The following TMEM178B variants were observed in gnomAD, a reference collection of about 807,000 sequenced individuals.
The protein encoded by TMEM178B is transmembrane protein 178B.
TMEM178B carries 5 observed loss-of-function variants against 31.0 expected under a neutral mutation model. That is an observed-to-expected ratio of 0.16 (90% confidence interval 0.08 to 0.34). The LOEUF (loss-of-function observed/expected upper bound fraction) is 0.34, where lower values mean the gene tolerates loss of function less well. TMEM178B is among the 10% of genes least tolerant of loss of function. The probability of loss-of-function intolerance (pLI) is 1.00; values close to 1 mark genes in which losing one functional copy is unlikely to be tolerated. For missense variants in TMEM178B, 275 were observed against 400.3 expected, an observed-to-expected ratio of 0.69 and a Z score of 2.67; for synonymous variants, 164 against 164.0, an observed-to-expected ratio of 1.00 and a Z score of 0.00.
chr7:141,321,466 G>A (rs879284091), intron 2 of TMEM178B, among the ~76,000 whole-genome samples: 23 of 152,164 alleles, frequency 1.5e-4, no homozygotes, highest in Admixed American at 3.9e-4. Flanking sequence ...GACTTCTCAA[G>A]GAAGCCACAG....
At chr7:141,207,469 G>A (rs1337961153) in intron 1 of TMEM178B, among the ~76,000 whole-genome samples, 1 of 152,094 alleles carries the variant, frequency 6.6e-6, no homozygotes, top group African/African-American at 2.4e-5. Context: ...TATTTATTTT[G>A]ATAATAGCCA....
At chr7:141,413,650 A>G (rs1183409357) in intron 2 of TMEM178B, among the ~76,000 whole-genome samples, 1 of 152,166 alleles carries the variant, frequency 6.6e-6, no homozygotes, top group Non-Finnish European at 1.5e-5. Flanking sequence ...ATGATGAGAA[A>G]ACTTTCTTTG....
intron 2 of TMEM178B, among the ~76,000 whole-genome samples, chr7:141,340,664 AT>A (rs1799501389): frequency 6.6e-6 from 1 of 152,266 alleles, no homozygotes; most frequent in South Asian, 2.1e-4. Context: ...CACAAAGCAC[AT>A]CAGGAGCAGT....
At position 141,394,240 on chromosome 7, in the gene TMEM178B, C is replaced by T. The variant is rs983166660; in HGVS notation, c.497-43368C>T. ...TGCGTCACCTCCGTGACAGCTTCTTCACCCCCGCCTGTTGCTGGTCTTGGT... is the reference window on the plus strand; with the variant it reads ...TGCGTCACCTCCGTGACAGCTTCTTTACCCCCGCCTGTTGCTGGTCTTGGT... On this transcript the variant is annotated intron_variant, in intron 2 of 3. Coordinates refer to ENST00000565468, the MANE Select transcript of TMEM178B (RefSeq NM_001195278.2). 2.6e-5 allele frequency among the ~76,000 whole-genome samples: 4 copies of T among 152,370 alleles called. No homozygotes were observed. The South Asian group carries it at 8.3e-4, about 32-fold the overall frequency.
At chr7:141,413,271 CT>C (rs1379482253) in intron 2 of TMEM178B, among the ~76,000 whole-genome samples, 4 of 152,196 alleles carry the variant, frequency 2.6e-5, no homozygotes, top group East Asian at 1.9e-4. Context: ...CAAATCACAA[CT>C]TTTTTTTCTT....
At chr7:141,363,164 C>G (rs747356123) in intron 2 of TMEM178B, among the ~76,000 whole-genome samples, 1 of 152,128 alleles carries the variant, frequency 6.6e-6, no homozygotes, top group Non-Finnish European at 1.5e-5. Context: ...AAAGAGCGAG[C>G]GAGTGTTAAT....
chr7:141,264,073 C>G (rs547001244), intron 2 of TMEM178B, among the ~76,000 whole-genome samples: 1 of 152,280 alleles, frequency 6.6e-6, no homozygotes, highest in Non-Finnish European at 1.5e-5. Context: ...GGGAACACAC[C>G]TGAGCCTAGG....
At chr7:141,136,916 G>A (rs947902751) in intron 1 of TMEM178B, among the ~76,000 whole-genome samples, 2 of 152,104 alleles carry the variant, frequency 1.3e-5, no homozygotes, top group African/African-American at 4.8e-5. Flanking sequence ...CTCAAAAGAA[G>A]ACATGTAAAT....
At chr7:141,116,748 C>G (rs1346802726) in intron 1 of TMEM178B, among the ~76,000 whole-genome samples, 1 of 152,028 alleles carries the variant, frequency 6.6e-6, no homozygotes, top group Non-Finnish European at 1.5e-5. Context: ...CTCCTACTTA[C>G]GAGTGAGAGC....
chr7:141,397,315 TC>T (rs113302004), intron 2 of TMEM178B, among the ~76,000 whole-genome samples: 11,272 of 152,194 alleles, frequency 0.074, 514 homozygotes, highest in Admixed American at 0.1. Flanking sequence ...TTTTTGGACT[TC>T]CTTTAACATG....
chr7:141,086,041 T>C (rs1292377872), intron 1 of TMEM178B, among the ~76,000 whole-genome samples: 1 of 152,014 alleles, frequency 6.6e-6, no homozygotes, highest in Non-Finnish European at 1.5e-5. Context: ...TAATATTAAT[T>C]ATTATTATTT....
rs116201218 is a variant in TMEM178B at position 141,321,344 on chromosome 7, G to A, written c.496+108640G>A. ...ATTGCCCCTCACAGGCATGGGCATCGTTTTCCTAACGTGTCAACACCTGTG... is the reference window on the plus strand; with the variant it reads ...ATTGCCCCTCACAGGCATGGGCATCATTTTCCTAACGTGTCAACACCTGTG... On this transcript the variant is annotated intron_variant, in intron 2 of 3. Transcript: ENST00000565468. Among the ~76,000 whole-genome samples, 680 of 152,286 alleles carry A rather than the reference G, an allele frequency of 4.5e-3. 5 individuals are homozygous for A. Among genetic ancestry groups the A allele is most frequent in the African/African-American group, 0.015 (623 of 41,570 alleles).
chr7:141,167,459 G>A (rs979090288), intron 1 of TMEM178B, among the ~76,000 whole-genome samples: 2 of 152,234 alleles, frequency 1.3e-5, no homozygotes, highest in South Asian at 2.1e-4. Context: ...CTGCCAGTTC[G>A]TTGCTCCTCA....
chr7:141,451,526 C>G (rs115354510), intron 3 of TMEM178B, among the ~76,000 whole-genome samples: 1,712 of 152,268 alleles, frequency 0.011, 36 homozygotes, highest in African/African-American at 0.039. Context: ...AATTATGCAG[C>G]ACTGTCTTCC....
chr7:141,242,838 A>C (rs1043719242), intron 2 of TMEM178B, among the ~76,000 whole-genome samples: 6 of 152,030 alleles, frequency 3.9e-5, no homozygotes, highest in African/African-American at 1.2e-4. Context: ...CCACCGTGCC[A>C]GGCCCCGATT....
At chr7:141,346,048 T>C (rs201724095) in intron 2 of TMEM178B, among the ~76,000 whole-genome samples, 5 of 151,956 alleles carry the variant, frequency 3.3e-5, no homozygotes, top group African/African-American at 4.8e-5. Flanking sequence ...AGTGAAACCC[T>C]GTCTCTACTA....
chr7:141,198,747 A>G (rs970279460), intron 1 of TMEM178B, among the ~76,000 whole-genome samples: 2 of 152,116 alleles, frequency 1.3e-5, no homozygotes, highest in Non-Finnish European at 2.9e-5. Context: ...GAAAAACCAG[A>G]TCTGGTCTCC....
chr7:141,438,202 GC>G (rs1430217028), intron 3 of TMEM178B, among the ~76,000 whole-genome samples: 7 of 152,206 alleles, frequency 4.6e-5, no homozygotes, highest in African/African-American at 1.7e-4. Context: ...TCCTGAAGCT[GC>G]CCCCCTTTCA....
chr7:141,077,875 G>A (rs928007207), intron 1 of TMEM178B, among the ~76,000 whole-genome samples: 2 of 152,172 alleles, frequency 1.3e-5, no homozygotes, highest in Admixed American at 6.5e-5. Context: ...ATGAAGGGAC[G>A]ATTTCTTGAG....
Sources: gnomAD v4.1 joint callset for allele counts (sites outside exome capture counted in the v4.1 genomes callset) on GRCh38, gnomAD v4.1.1 for gene constraint, MANE v1.5 for transcripts, NCBI Gene and HGNC (gene_info 2026-07-23, HGNC 2026-07-21) for gene names.